The following GHR variants were observed in gnomAD, a reference collection of about 807,000 sequenced individuals.
GHR encodes the protein GH receptor.
In GHR, 35 loss-of-function variants were observed where a neutral mutation model predicts 67.1. That is an observed-to-expected ratio of 0.52 (90% CI 0.40 to 0.69). GHR has a LOEUF of 0.69. Ranked by LOEUF, GHR falls within the 30% of genes least tolerant of loss-of-function variation. The pLI is 0.00. For synonymous variants in GHR, 272 were observed against 269.1 expected (o/e 1.01, Z -0.10); for missense variants, 792 against 764.6 (o/e 1.04, Z -0.42).
At chr5:42,671,752 C>T (rs543898715) in intron 3 of GHR, among the ~76,000 whole-genome samples, 78 of 151,328 alleles carry the variant, frequency 5.2e-4, no homozygotes, top group Admixed American at 1.4e-3. Context: ...GTCAGGAGAT[C>T]GAGACCATCC....
chr5:42,467,741 T>G (rs936452776), intron 1 of GHR: 15 of 1,558,890 alleles, frequency 9.6e-6, no homozygotes, highest in Non-Finnish European at 1.3e-5. Context: ...CCGGTGTGGA[T>G]TCTCTGATGC....
chr5:42,651,404 C>A (rs955904754), intron 3 of GHR, among the ~76,000 whole-genome samples: 1 of 152,084 alleles, frequency 6.6e-6, no homozygotes, highest in African/African-American at 2.4e-5. Context: ...GAAACAGAAG[C>A]TTTGGTGCGT....
At chr5:42,425,389 G>A (rs1180018275) in intron 1 of GHR, among the ~76,000 whole-genome samples, 2 of 152,214 alleles carry the variant, frequency 1.3e-5, no homozygotes, top group African/African-American at 2.4e-5. Context: ...GGATATTGTG[G>A]CAGGTCAGGC....
At chr5:42,520,988 GTT>G (rs1377411842) in intron 1 of GHR, among the ~76,000 whole-genome samples, 1 of 152,102 alleles carries the variant, frequency 6.6e-6, no homozygotes, top group African/African-American at 2.4e-5. Flanking sequence ...CCTTTTCACT[GTT>G]TTTCTTTAAA....
intron 1 of GHR, among the ~76,000 whole-genome samples, chr5:42,471,480 T>C (rs1287225639): frequency 6.6e-6 from 1 of 152,226 alleles, no homozygotes; most frequent in African/African-American, 2.4e-5. Context: ...TTGACCTTCC[T>C]ACTTATCTAA....
In GHR at chr5:42,555,245, T is replaced by C. The variant is rs146875886; in HGVS notation, c.-11-10619T>C. Among the ~76,000 whole-genome samples the C allele has an allele frequency of 6.9e-3, 1,058 of 152,308 alleles. 9 individuals carry two copies. Among genetic ancestry groups the C allele is most frequent in the African/African-American group, 0.024 (1,003 of 41,570 alleles). The stretch of plus-strand genomic sequence containing the variant: ...GTAGACCAGGTGCTATTGGAGGTTC[T>C]AAGGCATAGCGATAAATATTACATC... On this transcript the variant is annotated intron_variant, in intron 1 of 9. Coordinates refer to ENST00000230882, the MANE Select transcript of GHR (RefSeq NM_000163.5).
intron 1 of GHR, among the ~76,000 whole-genome samples, chr5:42,431,213 A>G (rs1743078974): frequency 6.6e-6 from 1 of 152,210 alleles, no homozygotes; most frequent in African/African-American, 2.4e-5. Flanking sequence ...TAAAAATTTT[A>G]TCAAAACCAT....
chr5:42,479,532 G>A (rs577363271), intron 1 of GHR, among the ~76,000 whole-genome samples: 58 of 152,214 alleles, frequency 3.8e-4, no homozygotes, highest in African/African-American at 6.5e-4. Flanking sequence ...TTTTTGGTTC[G>A]TAAGCTATTC....
intron 1 of GHR, among the ~76,000 whole-genome samples, chr5:42,510,802 T>G (rs1378708677): frequency 6.6e-6 from 1 of 152,206 alleles, no homozygotes; most frequent in African/African-American, 2.4e-5. Flanking sequence ...TCAGCCTGCC[T>G]TGAGCAGATA....
At chr5:42,495,663 G>T (rs1032636024) in intron 1 of GHR, among the ~76,000 whole-genome samples, 21 of 152,120 alleles carry the variant, frequency 1.4e-4, no homozygotes, top group African/African-American at 4.6e-4. Context: ...ATTTGGGTTG[G>T]ATAGAGAGCT....
intron 3 of GHR, among the ~76,000 whole-genome samples, chr5:42,684,841 C>T (rs1205719719): frequency 6.6e-6 from 1 of 152,172 alleles, no homozygotes; most frequent in East Asian, 1.9e-4. Flanking sequence ...ATATTTGCAA[C>T]TCAGGATTTT....
At chr5:42,513,747 A>C (rs1322981076) in intron 1 of GHR, among the ~76,000 whole-genome samples, 2 of 151,550 alleles carry the variant, frequency 1.3e-5, no homozygotes, top group African/African-American at 2.4e-5. Context: ...GCGCCATTGC[A>C]CTCCAGTCTG....
chr5:42,650,586 T>TATATATATATATATATATAC (rs1754971662), intron 3 of GHR, among the ~76,000 whole-genome samples: 1 of 146,284 alleles, frequency 6.8e-6, no homozygotes, highest in Non-Finnish European at 1.5e-5. Context: ...AACATATATA[T>TATATATATATATATATATAC]ATATATATAT....
At chr5:42,492,548 GCTGTGGTT>G (rs1246130519) in intron 1 of GHR, among the ~76,000 whole-genome samples, 2 of 152,270 alleles carry the variant, frequency 1.3e-5, no homozygotes, top group East Asian at 3.9e-4. Flanking sequence ...GCTGAATGGG[GCTGTGGTT>G]CTACTTTATG....
chr5:42,548,584 T>A (rs186033022), intron 1 of GHR: 1 of 696,924 alleles, frequency 1.4e-6, no homozygotes, highest in African/African-American at 2.0e-5. Flanking sequence ...ATAGTCAGGG[T>A]TTTTTTTTTC....
intron 1 of GHR, among the ~76,000 whole-genome samples, chr5:42,533,086 GCCAACACTTGATTATTAT>G (rs1359402454): frequency 6.6e-6 from 1 of 152,048 alleles, no homozygotes; most frequent in Admixed American, 6.6e-5. Flanking sequence ...GCAGGTCATT[GCCAACACTTGATTATTAT>G]CAGATTTAAT....
intron 7 of GHR, among the ~76,000 whole-genome samples, 163 bp downstream of exon 7, chr5:42,711,535 T>C (rs923387035): frequency 6.6e-6 from 1 of 152,138 alleles, no homozygotes; most frequent in Non-Finnish European, 1.5e-5. Flanking sequence ...ATATTGTTCA[T>C]TGCAAAAGCA....
intron 9 of GHR, 56 bp from the exon 10 acceptor site, chr5:42,718,397 C>A: frequency 7.9e-7 from 1 of 1,263,492 alleles, no homozygotes; most frequent in South Asian, 1.2e-5. Context: ...TTTGCTAATT[C>A]ATTTAATTAT....
chr5:42,664,603 G>A (rs371550445), intron 3 of GHR, among the ~76,000 whole-genome samples: 1 of 152,178 alleles, frequency 6.6e-6, no homozygotes, highest in Non-Finnish European at 1.5e-5. Flanking sequence ...TCAAGATGGA[G>A]TAAAGACTTA....
Sources: gnomAD v4.1 joint callset for allele counts (sites outside exome capture counted in the v4.1 genomes callset) on GRCh38, gnomAD v4.1.1 for gene constraint, MANE v1.5 for transcripts, NCBI Gene and HGNC (gene_info 2026-07-23, HGNC 2026-07-21) for gene names.